NSMAF: variants seen among roughly 807,000 people sequenced by gnomAD.
NSMAF encodes protein FAN.
NSMAF carries 90 observed loss-of-function variants against 134.9 expected under a neutral mutation model. That is an observed-to-expected ratio of 0.67 (90% CI 0.56 to 0.79). The LOEUF (loss-of-function observed/expected upper bound fraction) is 0.79. Ranked by LOEUF, NSMAF falls within the 30% of genes least tolerant of loss-of-function variation. The pLI is 0.00. For synonymous variants in NSMAF, 358 were observed against 389.6 expected (o/e 0.92, Z 0.96); for missense variants, 1,010 against 1,119.0 (o/e 0.90, Z 1.39).
intron 26 of NSMAF, among the ~76,000 whole-genome samples, chr8:58,589,052 T>G (rs1458338810): frequency 6.6e-6 from 1 of 151,414 alleles, no homozygotes; most frequent in Non-Finnish European, 1.5e-5. Context: ...AATAAGGAAG[T>G]GTTTTTTTTA....
chr8:58,636,813 C>A (rs980378048), intron 2 of NSMAF, among the ~76,000 whole-genome samples: 3 of 152,280 alleles, frequency 2.0e-5, no homozygotes, highest in East Asian at 3.9e-4. Flanking sequence ...TTCCATTAGG[C>A]ATTGAAATTT....
intron 20 of NSMAF, 110 bp from the exon 21 acceptor site, chr8:58,597,660 C>T (rs1165718820): frequency 2.8e-6 from 3 of 1,087,234 alleles, no homozygotes; most frequent in Non-Finnish European, 4.1e-6. Flanking sequence ...CAAATAATGA[C>T]AGCAACTATG....
chr8:58,658,624 G>A (rs78734696), intron 1 of NSMAF, among the ~76,000 whole-genome samples: 4,154 of 152,228 alleles, frequency 0.027, 185 homozygotes, highest in African/African-American at 0.09. Context: ...GAAGATCTGT[G>A]GCTCTCACAA....
intron 9 of NSMAF, among the ~76,000 whole-genome samples, chr8:58,616,836 C>G (rs1187041815): frequency 6.6e-6 from 1 of 152,092 alleles, no homozygotes; most frequent in Non-Finnish European, 1.5e-5. Context: ...TCCATGGAAT[C>G]TAGCAAAAAA....
intron 9 of NSMAF, among the ~76,000 whole-genome samples, chr8:58,611,327 A>G (rs767920605): frequency 2.0e-5 from 3 of 152,186 alleles, no homozygotes; most frequent in Non-Finnish European, 2.9e-5. Flanking sequence ...GGATCACTTA[A>G]GCCCAAGAGT....
chr8:58,609,040 G>T (rs1323906371), intron 10 of NSMAF, among the ~76,000 whole-genome samples: 1 of 152,160 alleles, frequency 6.6e-6, no homozygotes, highest in East Asian at 1.9e-4. Context: ...CTGTGTCATT[G>T]TGAAAGAGAA....
intron 20 of NSMAF, 77 bp from the exon 21 acceptor site, chr8:58,597,627 G>T: frequency 2.2e-6 from 3 of 1,358,412 alleles, no homozygotes; most frequent in South Asian, 2.5e-5. Context: ...AAATAGTACT[G>T]ATCAATAGGA....
chr8:58,623,532 C>T, intron 7 of NSMAF, 108 bp from the exon 8 acceptor site: 4 of 1,192,380 alleles, frequency 3.4e-6, no homozygotes, highest in Non-Finnish European at 3.7e-6. Flanking sequence ...GTCAAGATTA[C>T]TTCTGATATA....
At chr8:58,606,652 T>A (rs1806417635) in intron 11 of NSMAF, among the ~76,000 whole-genome samples, 1 of 152,158 alleles carries the variant, frequency 6.6e-6, no homozygotes, top group Non-Finnish European at 1.5e-5. Context: ...TATTATCTTA[T>A]AAAAACCTAT....
intron 1 of NSMAF, among the ~76,000 whole-genome samples, chr8:58,657,846 G>A (rs1807754598): frequency 6.6e-6 from 1 of 152,220 alleles, no homozygotes; most frequent in Admixed American, 6.5e-5. Flanking sequence ...TGGTTGCCAA[G>A]AGCTAGAGTT....
At chr8:58,646,394 C>T (rs887316355) in intron 1 of NSMAF, among the ~76,000 whole-genome samples, 1 of 152,100 alleles carries the variant, frequency 6.6e-6, no homozygotes, top group African/African-American at 2.4e-5. Flanking sequence ...CTATGATGCA[C>T]AAGTAGCCTT....
chr8:58,636,843 T>A (rs528921650), intron 2 of NSMAF, among the ~76,000 whole-genome samples: 2 of 152,200 alleles, frequency 1.3e-5, no homozygotes, highest in African/African-American at 4.8e-5. Flanking sequence ...TTCTATGTTA[T>A]GAGCTAGAAT....
At chr8:58,642,239 T>C (rs913485165) in intron 2 of NSMAF, among the ~76,000 whole-genome samples, 11 of 152,220 alleles carry the variant, frequency 7.2e-5, no homozygotes, top group Non-Finnish European at 1.5e-4. Context: ...AAGAATTTCC[T>C]AAGTTATGGC....
intron 6 of NSMAF, among the ~76,000 whole-genome samples, chr8:58,628,925 G>A (rs1362212631): frequency 6.6e-6 from 1 of 152,012 alleles, no homozygotes; most frequent in Non-Finnish European, 1.5e-5. Flanking sequence ...TCATTTTGTG[G>A]GGGCTTTCTT....
intron 1 of NSMAF, among the ~76,000 whole-genome samples, chr8:58,656,816 C>T (rs565749306): frequency 1.8e-4 from 27 of 151,564 alleles, no homozygotes; most frequent in Middle Eastern, 3.4e-3. Context: ...GGCAACAGAG[C>T]GAGACTCTGT....
chr8:58,636,461 C>A (rs1807175901), intron 2 of NSMAF, among the ~76,000 whole-genome samples: 1 of 152,174 alleles, frequency 6.6e-6, no homozygotes, highest in Non-Finnish European at 1.5e-5. Flanking sequence ...CCTTCACATC[C>A]AGAGGCACCC....
intron 30 of NSMAF, among the ~76,000 whole-genome samples, chr8:58,585,317 G>GTTATTTTTTTTTTTTTTTTTT (rs1554572269): frequency 1.4e-5 from 2 of 144,330 alleles, no homozygotes; most frequent in African/African-American, 5.1e-5. Context: ...TTGTTTCTGG[G>GTTATTTTTTTTTTTTTTTTTT]TTTTTTTTTT....
chr8:58,635,156 C>A, intron 5 of NSMAF, 33 bp downstream of exon 5: 1 of 1,535,736 alleles, frequency 6.5e-7, no homozygotes, highest in African/African-American at 1.4e-5. Context: ...AATGTTCATT[C>A]AGATTAGGAA....
At chr8:58,634,452 G>A (rs1419380532) in intron 5 of NSMAF, among the ~76,000 whole-genome samples, 1 of 152,148 alleles carries the variant, frequency 6.6e-6, no homozygotes, top group Non-Finnish European at 1.5e-5. Flanking sequence ...CAGCAAGTCC[G>A]TGCATCTTTG....
Sources: gnomAD v4.1 joint callset for allele counts (sites outside exome capture counted in the v4.1 genomes callset) on GRCh38, gnomAD v4.1.1 for gene constraint, MANE v1.5 for transcripts, NCBI Gene and HGNC (gene_info 2026-07-23, HGNC 2026-07-21) for gene names.